Variants in ADK observed in about 807,000 individuals in gnomAD.
ADK encodes the protein N6,N6-dimethyladenosine kinase.
ADK carries 24 observed loss-of-function variants against 44.7 expected under a neutral mutation model. That is an observed-to-expected ratio of 0.54 (90% confidence interval 0.39 to 0.76). The LOEUF (loss-of-function observed/expected upper bound fraction) is 0.76, where lower values mean the gene tolerates loss of function less well. ADK is among the 30% of genes least tolerant of loss of function. The probability of loss-of-function intolerance (pLI) is 0.00; values close to 1 mark genes in which losing one functional copy is unlikely to be tolerated. For missense variants in ADK, 321 were observed against 425.1 expected (o/e 0.76, Z 2.15); for synonymous variants, 128 against 142.6 (o/e 0.90, Z 0.73).
chr10:74,312,216 A>G (rs1237426082), intron 3 of ADK, among the ~76,000 whole-genome samples: 1 of 152,174 alleles, frequency 6.6e-6, no homozygotes, highest in African/African-American at 2.4e-5. Flanking sequence ...CTAGTTGTAA[A>G]TTTATATGGA....
chr10:74,203,108 T>C (rs1843456789), intron 2 of ADK, among the ~76,000 whole-genome samples: 1 of 152,204 alleles, frequency 6.6e-6, no homozygotes, highest in Admixed American at 6.5e-5. Flanking sequence ...TTTGATCAAT[T>C]TTGAGTTAAT....
At chr10:74,391,231 G>T (rs1564694150) in intron 4 of ADK, among the ~76,000 whole-genome samples, 1 of 151,960 alleles carries the variant, frequency 6.6e-6, no homozygotes, top group Non-Finnish European at 1.5e-5. Context: ...GTTACAATTT[G>T]ATACCTTCTT....
At chr10:74,362,289 C>T (rs957778508) in intron 4 of ADK, among the ~76,000 whole-genome samples, 1 of 151,178 alleles carries the variant, frequency 6.6e-6, no homozygotes, top group African/African-American at 2.4e-5. Flanking sequence ...TATTTTTAAT[C>T]ATTTTTCTTT....
chr10:74,384,720 C>A (rs147491304), intron 4 of ADK, among the ~76,000 whole-genome samples: 4 of 152,062 alleles, frequency 2.6e-5, no homozygotes, highest in Admixed American at 6.6e-5. Context: ...GAATTTAGGA[C>A]AACATTGTCT....
intron 7 of ADK, chr10:74,529,288 C>T (rs767964646): frequency 1.3e-5 from 2 of 152,056 alleles, no homozygotes; most frequent in Non-Finnish European, 2.9e-5. Context: ...AAGAATTCCA[C>T]TTACAAGAAG....
chr10:74,454,841 A>T (rs1475510924), intron 6 of ADK, among the ~76,000 whole-genome samples: 3 of 152,144 alleles, frequency 2.0e-5, no homozygotes, highest in Non-Finnish European at 4.4e-5. Context: ...TTTTGTTTGG[A>T]TTCCCCTCTG....
At chr10:74,217,216 T>C (rs1844079661) in intron 2 of ADK, among the ~76,000 whole-genome samples, 1 of 152,242 alleles carries the variant, frequency 6.6e-6, no homozygotes, top group Non-Finnish European at 1.5e-5. Flanking sequence ...CAGGAGATTA[T>C]ATCCTGCACC....
chr10:74,485,608 A>G (rs1847240079), intron 6 of ADK, among the ~76,000 whole-genome samples: 1 of 152,196 alleles, frequency 6.6e-6, no homozygotes, highest in African/African-American at 2.4e-5. Flanking sequence ...CAAATGCTGC[A>G]TAAAATTAGA....
At chr10:74,488,112 A>G (rs1847331425) in intron 6 of ADK, among the ~76,000 whole-genome samples, 1 of 151,960 alleles carries the variant, frequency 6.6e-6, no homozygotes, top group African/African-American at 2.4e-5. Flanking sequence ...ACTGTGGAAC[A>G]TTTCTACAAG....
At chr10:74,459,763 AAAG>A (rs1382030315) in intron 6 of ADK, among the ~76,000 whole-genome samples, 19 of 151,720 alleles carry the variant, frequency 1.3e-4, no homozygotes, top group African/African-American at 4.3e-4. Flanking sequence ...AAAGGAGAAA[AAAG>A]AAAAAAATCA....
At chr10:74,475,558 AT>A (rs1342483578) in intron 6 of ADK, among the ~76,000 whole-genome samples, 4 of 145,816 alleles carry the variant, frequency 2.7e-5, no homozygotes, top group Admixed American at 1.4e-4. Flanking sequence ...AAAAAAAAAA[AT>A]TAGCCAGGCA....
intron 4 of ADK, among the ~76,000 whole-genome samples, chr10:74,384,785 G>T (rs1843087861): frequency 6.6e-6 from 1 of 152,168 alleles, no homozygotes; most frequent in Admixed American, 6.5e-5. Flanking sequence ...AACAGAAACA[G>T]AATGAAGTAT....
chr10:74,181,666 C>T (rs1368426927), intron 1 of ADK, among the ~76,000 whole-genome samples: 1 of 152,108 alleles, frequency 6.6e-6, no homozygotes, highest in East Asian at 1.9e-4. Context: ...GTGAAATGTC[C>T]TACTTAGACC....
At chr10:74,272,978 A>G (rs1846495592) in intron 3 of ADK, among the ~76,000 whole-genome samples, 1 of 152,232 alleles carries the variant, frequency 6.6e-6, no homozygotes, top group Non-Finnish European at 1.5e-5. Context: ...AATTAGAAGA[A>G]GTAGAAAAGA....
intron 6 of ADK, among the ~76,000 whole-genome samples, chr10:74,510,403 G>A (rs1484634448): frequency 6.6e-6 from 1 of 151,986 alleles, no homozygotes; most frequent in East Asian, 1.9e-4. Context: ...TTTTTAATAA[G>A]ATTGGTTTTT....
At chr10:74,169,750 T>A (rs10824091) in intron 1 of ADK, among the ~76,000 whole-genome samples, 70,164 of 151,744 alleles carry the variant, frequency 0.46, 18,344 homozygotes, top group Non-Finnish European at 0.59. Context: ...TTTCTTTGAA[T>A]AAACTTGTCC....
intron 6 of ADK, among the ~76,000 whole-genome samples, chr10:74,513,941 T>C (rs1484508988): frequency 6.6e-6 from 1 of 152,206 alleles, no homozygotes; most frequent in Non-Finnish European, 1.5e-5. Context: ...ATGATGGTGA[T>C]TATTGTTTTT....
chr10:74,158,852 A>G (rs910324347), intron 1 of ADK, among the ~76,000 whole-genome samples: 6 of 152,178 alleles, frequency 3.9e-5, no homozygotes, highest in Non-Finnish European at 7.3e-5. Flanking sequence ...GGCTAGCTCT[A>G]CTGTAATACC....
At chr10:74,278,625 A>G (rs1300139244) in intron 3 of ADK, among the ~76,000 whole-genome samples, 1 of 152,202 alleles carries the variant, frequency 6.6e-6, no homozygotes, top group Non-Finnish European at 1.5e-5. Flanking sequence ...CTTTTGGTCA[A>G]CATTTGACCA....
Sources: allele counts gnomAD v4.1 joint callset (sites outside exome capture counted in the v4.1 genomes callset), GRCh38; gene constraint gnomAD v4.1.1; transcripts MANE v1.5; gene names NCBI Gene and HGNC (gene_info 2026-07-23, HGNC 2026-07-21).